Variants in CREM observed in about 807,000 individuals in gnomAD.
CREM encodes cAMP-responsive element modulator.
A neutral mutation model predicts 37.3 loss-of-function variants in CREM; 13 were observed. The observed-to-expected ratio is 0.35, with a 90% CI of 0.23 to 0.55. The LOEUF is 0.55. Among genes scored for constraint, CREM ranks in the 20% least tolerant of loss-of-function variants. The pLI is 0.88. For missense variants in CREM, 296 were observed against 362.3 expected (o/e 0.82, Z 1.49); for synonymous variants, 124 against 120.2 (o/e 1.03, Z -0.21).
intron 5 of CREM, among the ~76,000 whole-genome samples, chr10:35,181,824 G>C (rs1005804444): frequency 2.0e-5 from 3 of 152,198 alleles, no homozygotes; most frequent in Admixed American, 6.5e-5. Context: ...AGTGAGTTAT[G>C]ATTGCACCAC....
rs2095666144 is a variant in CREM at position 35,211,600 on chromosome 10, T to G, written c.*202T>G. On this transcript the variant is annotated 3_prime_UTR_variant, in exon 8 of 8. Transcript: ENST00000685392. The stretch of plus-strand genomic sequence containing the variant: ...ACTTACCGAGCTTACTTTGATCTGT[T>G]TGTCAATAGCATGCAAAAAATGCTT... 2 of 1,589,174 alleles carry G rather than the reference T, an allele frequency of 1.3e-6. No individual in the cohort carries two copies. The highest frequency in any genetic ancestry group is 2.3e-5 in the South Asian group (2 of 87,332).
chr10:35,143,224 C>T (rs2091672699), intron 2 of CREM, among the ~76,000 whole-genome samples: 2 of 152,162 alleles, frequency 1.3e-5, no homozygotes, highest in South Asian at 4.1e-4. Context: ...CTGCCTTGGC[C>T]TCCCAAAGTG....
intron 6 of CREM, among the ~76,000 whole-genome samples, chr10:35,197,900 G>A (rs2095259302): frequency 6.6e-6 from 1 of 152,194 alleles, no homozygotes; most frequent in Admixed American, 6.5e-5. Context: ...AGTAGATCTA[G>A]ATTAGTGGCT....
intron 2 of CREM, among the ~76,000 whole-genome samples, chr10:35,144,533 G>A (rs1288784247): frequency 6.6e-6 from 1 of 152,062 alleles, no homozygotes; most frequent in East Asian, 1.9e-4. Context: ...CATAGTATTG[G>A]AAAATTCTGT....
At chr10:35,162,337 A>G (rs904385386) in intron 3 of CREM, among the ~76,000 whole-genome samples, 5 of 152,202 alleles carry the variant, frequency 3.3e-5, no homozygotes, top group Admixed American at 3.3e-4. Context: ...GAATGAGTTC[A>G]AGAGAGCTAT....
At chr10:35,144,330 T>A (rs192982162) in intron 2 of CREM, among the ~76,000 whole-genome samples, 15 of 152,274 alleles carry the variant, frequency 9.9e-5, no homozygotes, top group Non-Finnish European at 1.9e-4. Flanking sequence ...TCATTCTGAC[T>A]GATTATATAT....
chr10:35,142,930 A>T (rs1799862745), intron 2 of CREM, among the ~76,000 whole-genome samples: 1 of 151,930 alleles, frequency 6.6e-6, no homozygotes, highest in South Asian at 2.1e-4. Context: ...TCTGTCTTAT[A>T]ATTTCATTCA....
At chr10:35,138,211 G>A (rs1196091879) in intron 2 of CREM, among the ~76,000 whole-genome samples, 2 of 152,134 alleles carry the variant, frequency 1.3e-5, no homozygotes, top group Non-Finnish European at 1.5e-5. Flanking sequence ...CCGGCCTTTC[G>A]GCCATACTTG....
chr10:35,178,592 G>A (rs1437776854), intron 3 of CREM, among the ~76,000 whole-genome samples: 1 of 152,126 alleles, frequency 6.6e-6, no homozygotes, highest in Non-Finnish European at 1.5e-5. Context: ...TTTACATTTT[G>A]TTCTTTCCTG....
chr10:35,188,904 C>T (rs905294142), intron 6 of CREM, among the ~76,000 whole-genome samples: 7 of 152,062 alleles, frequency 4.6e-5, no homozygotes, highest in African/African-American at 1.4e-4. Flanking sequence ...ATGGAGTCGT[C>T]CTGACCTCAG....
chr10:35,168,001 A>G (rs866865379), intron 3 of CREM, among the ~76,000 whole-genome samples: 2 of 152,168 alleles, frequency 1.3e-5, no homozygotes, highest in Non-Finnish European at 2.9e-5. Flanking sequence ...ATGGCTGCAT[A>G]GTATTCCATG....
chr10:35,157,346 C>G (rs769369873), intron 3 of CREM, among the ~76,000 whole-genome samples: 1 of 151,906 alleles, frequency 6.6e-6, no homozygotes, highest in Non-Finnish European at 1.5e-5. Flanking sequence ...GATAAGGATA[C>G]CAGGCCAGGT....
At chr10:35,201,306 C>A in intron 6 of CREM, 1 of 779,770 alleles carries the variant, frequency 1.3e-6, no homozygotes. Context: ...GGAACGTTGT[C>A]TTTCAGAACT....
At chr10:35,192,602 G>A (rs1202845604) in intron 6 of CREM, among the ~76,000 whole-genome samples, 1 of 152,014 alleles carries the variant, frequency 6.6e-6, no homozygotes, top group Non-Finnish European at 1.5e-5. Context: ...GTCCATCTCG[G>A]CATCCTAAAG....
At chr10:35,155,393 T>C (rs2092831311) in intron 3 of CREM, among the ~76,000 whole-genome samples, 1 of 152,104 alleles carries the variant, frequency 6.6e-6, no homozygotes, top group Admixed American at 6.6e-5. Context: ...TTAATGGGTA[T>C]GGAGTTTCAG....
chr10:35,189,430 C>T (rs2094809411), intron 6 of CREM, among the ~76,000 whole-genome samples: 1 of 152,038 alleles, frequency 6.6e-6, no homozygotes, highest in Non-Finnish European at 1.5e-5. Flanking sequence ...GAATTCTATT[C>T]CTCTTGGTCC....
intron 3 of CREM, among the ~76,000 whole-genome samples, chr10:35,168,841 T>G (rs957888835): frequency 6.6e-6 from 1 of 152,256 alleles, no homozygotes; most frequent in Non-Finnish European, 1.5e-5. Flanking sequence ...CCAGCACCAT[T>G]AATTAAATAG....
At chr10:35,128,190 T>A (rs2088385934) in intron 1 of CREM, among the ~76,000 whole-genome samples, 1 of 152,214 alleles carries the variant, frequency 6.6e-6, no homozygotes, top group Non-Finnish European at 1.5e-5. Context: ...GATACCTGAG[T>A]TTGAAATCAC....
rs529980585 is a variant in CREM, at chr10:35,166,505, C to T, written c.169-12384C>T. Among the ~76,000 whole-genome samples, 178 of 149,910 alleles carry T rather than the reference C, an allele frequency of 1.2e-3. 1 individual carries two copies. Among genetic ancestry groups the T allele is most frequent in the Non-Finnish European group, 1.9e-3 (129 of 67,608 alleles). Reference sequence around the variant, plus strand: ...CAACCCAGGAGGTGGATGGAGGTTGCGGTGAGCCCAGATCACGCCACTTCC... The same window carrying T: ...CAACCCAGGAGGTGGATGGAGGTTGTGGTGAGCCCAGATCACGCCACTTCC... On this transcript the variant is annotated intron_variant, in intron 3 of 7. Coordinates refer to ENST00000685392, the MANE Select transcript of CREM (RefSeq NM_183011.2).
Sources: allele counts gnomAD v4.1 joint callset (sites outside exome capture counted in the v4.1 genomes callset), GRCh38; gene constraint gnomAD v4.1.1; transcripts MANE v1.5; gene names NCBI Gene and HGNC (gene_info 2026-07-23, HGNC 2026-07-21).